The following ZNF365 variants were observed in gnomAD, a reference collection of about 807,000 sequenced individuals.
ZNF365 encodes protein ZNF365.
Under a neutral mutation model 35.0 loss-of-function variants are expected in ZNF365, and 22 were observed. The observed-to-expected ratio is 0.63, with a 90% CI of 0.45 to 0.90. ZNF365 has a LOEUF of 0.90. ZNF365 is among the 40% of genes least tolerant of loss of function. ZNF365 has a pLI of 0.00. For missense variants in ZNF365, 448 were observed against 500.3 expected (o/e 0.90, Z 1.00); for synonymous variants, 188 against 196.2 (o/e 0.96, Z 0.35).
intron 3 of ZNF365, among the ~76,000 whole-genome samples, chr10:62,449,589 A>G (rs187229947): frequency 1.3e-5 from 2 of 152,318 alleles, no homozygotes; most frequent in Admixed American, 1.3e-4. Flanking sequence ...TTACAATATA[A>G]TATTTGAATT....
At chr10:62,376,986 C>A in intron 2 of ZNF365, 50 bp downstream of exon 2, 2 of 1,556,920 alleles carry the variant, frequency 1.3e-6, no homozygotes, top group Non-Finnish European at 1.7e-6. Context: ...AAGCAGCACC[C>A]CAATCGCCTT....
intron 2 of ZNF365, 63 bp downstream of exon 2, chr10:62,376,999 A>G: frequency 6.5e-7 from 1 of 1,532,566 alleles, no homozygotes; most frequent in Non-Finnish European, 8.7e-7. Context: ...ATCGCCTTAC[A>G]AGCAAATGCT....
intron 3 of ZNF365, among the ~76,000 whole-genome samples, chr10:62,442,441 C>T: frequency 6.6e-6 from 1 of 152,062 alleles, no homozygotes. Flanking sequence ...TATGCAAAAT[C>T]GCGGATATTT....
rs139083671 is a variant in ZNF365, at chr10:62,382,493, C to T, written c.743+5557C>T. ...AAATTCGGAAACCCAGGAAAGTTTTCAATTTCTATCTCTGCATATTCTCTT... is the reference window on the plus strand; with the variant it reads ...AAATTCGGAAACCCAGGAAAGTTTTTAATTTCTATCTCTGCATATTCTCTT... On this transcript the variant is annotated intron_variant, in intron 2 of 4. Transcript: ENST00000395254. Among the ~76,000 whole-genome samples the T allele has an allele frequency of 9.8e-5, 15 of 152,292 alleles. No individual in the cohort carries two copies. In the East Asian group the frequency reaches 2.9e-3, roughly 29 times the overall value.
At chr10:62,469,403 C>A (rs1245755635) in intron 4 of ZNF365, among the ~76,000 whole-genome samples, 1 of 152,116 alleles carries the variant, frequency 6.6e-6, no homozygotes, top group Non-Finnish European at 1.5e-5. Flanking sequence ...CTGTAAAGGG[C>A]ACCCATTTTA....
chr10:62,413,761 C>A (rs372751416), intron 3 of ZNF365, among the ~76,000 whole-genome samples: 1 of 152,270 alleles, frequency 6.6e-6, no homozygotes, highest in African/African-American at 2.4e-5. Flanking sequence ...GCATTCACCA[C>A]GAGAAGCAGA....
intron 3 of ZNF365, among the ~76,000 whole-genome samples, chr10:62,391,652 G>A (rs1471580849): frequency 6.6e-6 from 1 of 152,172 alleles, no homozygotes; most frequent in Non-Finnish European, 1.5e-5. Context: ...TGATTAATGG[G>A]CATGGGCATT....
downstream of ZNF365, among the ~76,000 whole-genome samples, chr10:62,404,642 T>G (rs4746699): frequency 0.65 from 98,410 of 151,972 alleles, 32,880 homozygotes; most frequent in East Asian, 0.84. Context: ...CCCTTGAACA[T>G]TGCAAGGGTT....
chr10:62,457,096 T>A (rs1448002838), intron 3 of ZNF365, among the ~76,000 whole-genome samples: 2 of 152,180 alleles, frequency 1.3e-5, no homozygotes, highest in African/African-American at 4.8e-5. Context: ...ATGTCTCTTA[T>A]CTTCTTTCCT....
intron 3 of ZNF365, among the ~76,000 whole-genome samples, chr10:62,396,512 A>C (rs139525672): frequency 6.6e-6 from 1 of 152,180 alleles, no homozygotes; most frequent in African/African-American, 2.4e-5. Flanking sequence ...CACAATTTAT[A>C]GTACCTTTAT....
chr10:62,394,523 T>A (rs572174442), intron 3 of ZNF365, among the ~76,000 whole-genome samples: 1 of 152,178 alleles, frequency 6.6e-6, no homozygotes, highest in African/African-American at 2.4e-5. Flanking sequence ...TTTGAGCAGT[T>A]GTGTGAGTGA....
chr10:62,387,849 C>T (rs886706952), intron 2 of ZNF365, among the ~76,000 whole-genome samples: 1 of 152,146 alleles, frequency 6.6e-6, no homozygotes, highest in Non-Finnish European at 1.5e-5. Flanking sequence ...TTTAAAAATC[C>T]AAGTCAGAGC....
At chr10:62,453,837 G>T (rs1840722610) in intron 3 of ZNF365, among the ~76,000 whole-genome samples, 1 of 152,142 alleles carries the variant, frequency 6.6e-6, no homozygotes. Flanking sequence ...CAATTTAAAT[G>T]TCTAATATTT....
chr10:62,457,631 T>G lies in ZNF365; in HGVS notation c.925-2110T>G, dbSNP rs79109347. Among the ~76,000 whole-genome samples, 512 of 152,372 alleles carry G rather than the reference T, an allele frequency of 3.4e-3. 2 individuals carry two copies. Among genetic ancestry groups the G allele is most frequent in the African/African-American group, 9.9e-3 (412 of 41,588 alleles). ...TATTTCTTGAGTCTTTGGTGTTAGA[T>G]AGTATCCTTTGACACCACATGTATA... On this transcript the variant is annotated intron_variant, in intron 3 of 4. Coordinates refer to the ZNF365 transcript ENST00000395255.
chr10:62,421,466 G>A (rs752726350), intron 3 of ZNF365, among the ~76,000 whole-genome samples: 1 of 152,078 alleles, frequency 6.6e-6, no homozygotes, highest in African/African-American at 2.4e-5. Context: ...TAAGCGGGTG[G>A]GCTTTAGAAT....
intron 3 of ZNF365, among the ~76,000 whole-genome samples, chr10:62,447,904 T>G (rs1840616647): frequency 6.6e-6 from 1 of 152,200 alleles, no homozygotes; most frequent in African/African-American, 2.4e-5. Flanking sequence ...CCAAGCTACT[T>G]AAAGTACAAT....
chr10:62,450,541 C>T (rs1439677293), intron 3 of ZNF365, among the ~76,000 whole-genome samples: 5 of 152,162 alleles, frequency 3.3e-5, no homozygotes, highest in African/African-American at 1.2e-4. Flanking sequence ...AAGTTATGCA[C>T]TGTGAGGTAG....
At chr10:62,447,521 T>C (rs1020094879) in intron 3 of ZNF365, among the ~76,000 whole-genome samples, 2 of 152,200 alleles carry the variant, frequency 1.3e-5, no homozygotes, top group Admixed American at 1.3e-4. Context: ...TAAAAGTCAC[T>C]GGCTGAGAAA....
chr10:62,415,201 C>T (rs1840054684), intron 3 of ZNF365, among the ~76,000 whole-genome samples: 1 of 151,988 alleles, frequency 6.6e-6, no homozygotes, highest in Non-Finnish European at 1.5e-5. Context: ...GTAACATAGT[C>T]CTCACTCTCA....
Sources: allele counts gnomAD v4.1 joint callset (sites outside exome capture counted in the v4.1 genomes callset), GRCh38; gene constraint gnomAD v4.1.1; transcripts MANE v1.5; gene names NCBI Gene and HGNC (gene_info 2026-07-23, HGNC 2026-07-21).